The following GALNT13 variants were observed in gnomAD, a reference collection of about 807,000 sequenced individuals.
GALNT13 encodes polypeptide N-acetylgalactosaminyltransferase 13.
A neutral mutation model predicts 64.2 loss-of-function variants in GALNT13; 28 were observed. The ratio of observed to expected loss-of-function variants is 0.44; its 90% confidence interval spans 0.32 to 0.60. GALNT13 has a LOEUF of 0.60. GALNT13 is among the 20% of genes least tolerant of loss of function. GALNT13 has a pLI of 0.05. For missense variants in GALNT13, 577 were observed against 669.8 expected (o/e 0.86, Z 1.53); for synonymous variants, 214 against 224.6 (o/e 0.95, Z 0.42).
chr2:153,992,805 C>G (rs950763648), intron 3 of GALNT13, among the ~76,000 whole-genome samples: 2 of 152,170 alleles, frequency 1.3e-5, no homozygotes, highest in Admixed American at 6.5e-5. Context: ...GCAGCACTAA[C>G]AGTGAAAAAG....
the GALNT13 span, among the ~76,000 whole-genome samples, chr2:153,192,749 C>A: frequency 6.6e-6 from 1 of 151,810 alleles, no homozygotes. Flanking sequence ...TATGTTATGA[C>A]CTTCTTTGTC....
the GALNT13 span, among the ~76,000 whole-genome samples, chr2:153,392,744 A>C: frequency 6.6e-6 from 1 of 152,026 alleles, no homozygotes; most frequent in East Asian, 1.9e-4. Flanking sequence ...CACCTGCTTG[A>C]CATCTTCAGA....
chr2:154,311,263 C>G (rs1202320127), intron 9 of GALNT13, among the ~76,000 whole-genome samples: 1 of 151,876 alleles, frequency 6.6e-6, no homozygotes, highest in African/African-American at 2.4e-5. Context: ...GGGGTCCTGC[C>G]CCGATAATCA....
chr2:153,705,445 G>A, the GALNT13 span, among the ~76,000 whole-genome samples: 28 of 151,024 alleles, frequency 1.9e-4, no homozygotes, highest in African/African-American at 5.6e-4. Context: ...GAAACTACCA[G>A]AAAACTCAGT....
intron 3 of GALNT13, among the ~76,000 whole-genome samples, chr2:154,061,249 T>G (rs1574429914): frequency 6.6e-6 from 1 of 152,300 alleles, no homozygotes; most frequent in Non-Finnish European, 1.5e-5. Flanking sequence ...GCATTGTCAG[T>G]TGAGGCGTTG....
chr2:153,280,219 T>G, the GALNT13 span, among the ~76,000 whole-genome samples: 1 of 152,154 alleles, frequency 6.6e-6, no homozygotes, highest in African/African-American at 2.4e-5. Context: ...TAATATCACC[T>G]TTGCTGTTTC....
the GALNT13 span, among the ~76,000 whole-genome samples, chr2:153,706,889 T>TATGA: frequency 6.6e-6 from 1 of 152,222 alleles, no homozygotes; most frequent in South Asian, 2.1e-4. Context: ...ACAAGACTAG[T>TATGA]ATGATTTGGC....
chr2:154,422,378 T>C (rs936880736), intron 11 of GALNT13, among the ~76,000 whole-genome samples: 1 of 152,198 alleles, frequency 6.6e-6, no homozygotes, highest in African/African-American at 2.4e-5. Context: ...TTTCAATTCA[T>C]TTCTTTTATT....
At chr2:153,971,218 A>G (rs1574236648) in intron 3 of GALNT13, among the ~76,000 whole-genome samples, 1 of 152,302 alleles carries the variant, frequency 6.6e-6, no homozygotes, top group East Asian at 1.9e-4. Context: ...TCAGTGACTC[A>G]GTATAGCCCA....
the GALNT13 span, among the ~76,000 whole-genome samples, chr2:153,132,558 C>T: frequency 2.6e-4 from 40 of 152,076 alleles, no homozygotes; most frequent in Non-Finnish European, 5.4e-4. Flanking sequence ...GAGTCTATCC[C>T]GTGAGTCATG....
chr2:154,197,109 A>G (rs533620636), intron 4 of GALNT13, among the ~76,000 whole-genome samples: 1 of 152,142 alleles, frequency 6.6e-6, no homozygotes, highest in South Asian at 2.1e-4. Flanking sequence ...AATTCCCCCA[A>G]CATCCTTAAG....
chr2:154,396,054 G>T lies in GALNT13; in HGVS notation c.1220G>T (p.Cys407Phe). The T allele has an allele frequency of 6.2e-7, 1 of 1,611,526 alleles. No individual in the cohort carries two copies. ...VRKTLRENLK[C>F]KPFSWYLENI... ...AAAACACTAAGAGAAAATCTGAAGT[G>T]TAAGCCCTTTTCTTGGTACCTAGAA... Residue 407 changes from cysteine (C) to phenylalanine (F), a missense_variant, in exon 10 of 13, where the codon TGT becomes TTT. Coordinates refer to ENST00000392825, the MANE Select transcript of GALNT13 (RefSeq NM_052917.4).
At chr2:153,110,479 T>C in the GALNT13 span, among the ~76,000 whole-genome samples, 104 of 152,244 alleles carry the variant, frequency 6.8e-4, no homozygotes, top group Non-Finnish European at 1.0e-3. Flanking sequence ...TTTGGTCTGT[T>C]TTTTTCCTTA....
At chr2:154,347,556 T>C (rs973249927) in intron 9 of GALNT13, among the ~76,000 whole-genome samples, 1 of 152,204 alleles carries the variant, frequency 6.6e-6, no homozygotes, top group South Asian at 2.1e-4. Context: ...TTGTTTTTTC[T>C]CAACTGTCTT....
chr2:154,322,524 G>T (rs1694679349), intron 9 of GALNT13, among the ~76,000 whole-genome samples: 1 of 152,050 alleles, frequency 6.6e-6, no homozygotes, highest in African/African-American at 2.4e-5. Context: ...ACATATCAGT[G>T]GCAGCCTTGG....
At chr2:154,143,662 A>G (rs931369073) in intron 4 of GALNT13, among the ~76,000 whole-genome samples, 6 of 151,686 alleles carry the variant, frequency 4.0e-5, no homozygotes, top group Admixed American at 6.6e-5. Context: ...CGGGTTTGAG[A>G]CCAACCTGGC....
At chr2:153,818,043 C>G in the GALNT13 span, among the ~76,000 whole-genome samples, 1 of 152,066 alleles carries the variant, frequency 6.6e-6, no homozygotes, top group Non-Finnish European at 1.5e-5. Context: ...TGACAGGACC[C>G]ACAGAGAATG....
the GALNT13 span, among the ~76,000 whole-genome samples, chr2:153,671,310 G>T: frequency 3.9e-5 from 6 of 152,250 alleles, no homozygotes; most frequent in East Asian, 9.7e-4. Flanking sequence ...AGAAAGGTTG[G>T]TTTACCCACA....
chr2:153,972,435 A>G (rs937609198), intron 3 of GALNT13, among the ~76,000 whole-genome samples: 5 of 152,124 alleles, frequency 3.3e-5, no homozygotes, highest in African/African-American at 1.2e-4. Flanking sequence ...ATATTAGGAT[A>G]AACAATTTAT....
Sources: gnomAD v4.1 joint callset for allele counts (sites outside exome capture counted in the v4.1 genomes callset) on GRCh38, gnomAD v4.1.1 for gene constraint, MANE v1.5 for transcripts, NCBI Gene and HGNC (gene_info 2026-07-23, HGNC 2026-07-21) for gene names.